Variants in KCNAB1 observed in about 807,000 individuals in gnomAD.
The protein encoded by KCNAB1 is voltage-gated potassium channel subunit beta-1.
A neutral mutation model predicts 64.6 loss-of-function variants in KCNAB1; 35 were observed. The ratio of observed to expected loss-of-function variants is 0.54; its 90% CI spans 0.41 to 0.72. The LOEUF is 0.72. Among genes scored for constraint, KCNAB1 ranks in the 30% least tolerant of loss-of-function variants. The pLI is 0.00. For missense variants in KCNAB1, 401 were observed against 512.9 expected, an observed-to-expected ratio of 0.78 and a Z score of 2.11; for synonymous variants, 177 against 183.8, an observed-to-expected ratio of 0.96 and a Z score of 0.30.
At chr3:156,409,892 TA>T (rs1333892492) in intron 1 of KCNAB1, among the ~76,000 whole-genome samples, 1 of 152,250 alleles carries the variant, frequency 6.6e-6, no homozygotes, top group Non-Finnish European at 1.5e-5. Flanking sequence ...TAGTCATTTA[TA>T]ACAGGGCTCA....
chr3:156,428,379 G>A (rs1221878319), intron 2 of KCNAB1, among the ~76,000 whole-genome samples: 1 of 151,898 alleles, frequency 6.6e-6, no homozygotes, highest in African/African-American at 2.4e-5. Context: ...GCCAGCTTTC[G>A]GAGTAGAACT....
intron 13 of KCNAB1, 27 bp downstream of exon 13, chr3:156,531,524 C>T (rs1400820254): frequency 6.5e-6 from 10 of 1,527,070 alleles, no homozygotes; most frequent in Non-Finnish European, 9.1e-6. Context: ...CTTCCAACAT[C>T]AGGGAATTTA....
chr3:156,433,919 G>A (rs529507735), intron 2 of KCNAB1, among the ~76,000 whole-genome samples: 1 of 152,120 alleles, frequency 6.6e-6, no homozygotes, highest in Non-Finnish European at 1.5e-5. Context: ...TGGATTGAGA[G>A]TTCTAGGAAA....
chr3:156,173,494 A>G (rs73162716), intron 1 of KCNAB1, among the ~76,000 whole-genome samples: 197 of 152,362 alleles, frequency 1.3e-3, no homozygotes, highest in Middle Eastern at 0.01. Context: ...TCCAGTGGTC[A>G]GTAGGAAAGA....
Position 156,195,618 on chromosome 3 carries a change from A to G in KCNAB1, c.275+74732A>G, listed in dbSNP as rs149033413. Among the ~76,000 whole-genome samples the G allele has an allele frequency of 9.0e-3, 1,375 of 152,218 alleles. 33 individuals are homozygous for G. The highest frequency in any genetic ancestry group is 0.031 in the African/African-American group (1,274 of 41,544). On this transcript the variant is annotated intron_variant, in intron 1 of 13. Coordinates refer to ENST00000490337, the MANE Select transcript of KCNAB1 (RefSeq NM_172160.3). ...AAGTGTCTGTTCATATACTTTGCCC[A>G]CTTTTGGATGGGGTTGTTTGATTTT... is the stretch of plus-strand genomic sequence containing the variant.
chr3:156,368,408 G>A (rs1386956600), intron 1 of KCNAB1, among the ~76,000 whole-genome samples: 1 of 152,122 alleles, frequency 6.6e-6, no homozygotes, highest in East Asian at 1.9e-4. Context: ...CTGTTGTTTA[G>A]AGGAAGTTTC....
intron 1 of KCNAB1, among the ~76,000 whole-genome samples, chr3:156,345,597 G>C (rs1724433727): frequency 6.6e-6 from 1 of 152,232 alleles, no homozygotes. Flanking sequence ...TAGCCCATGT[G>C]CTATAGCAGA....
chr3:156,132,673 G>A (rs1228761973), intron 1 of KCNAB1, among the ~76,000 whole-genome samples: 1 of 152,300 alleles, frequency 6.6e-6, no homozygotes, highest in Non-Finnish European at 1.5e-5. Context: ...AATTCAGTCT[G>A]TTATTTCAGA....
chr3:156,201,778 G>C (rs1714345660), intron 1 of KCNAB1, among the ~76,000 whole-genome samples: 1 of 152,212 alleles, frequency 6.6e-6, no homozygotes, highest in Non-Finnish European at 1.5e-5. Context: ...CCGTTGGTGA[G>C]TGCAGGTATG....
chr3:156,487,390 T>C (rs968877787), intron 8 of KCNAB1, among the ~76,000 whole-genome samples: 2 of 152,156 alleles, frequency 1.3e-5, no homozygotes, highest in African/African-American at 4.8e-5. Context: ...GAAAATATTA[T>C]ATGCCACAAA....
At chr3:156,451,439 A>C (rs973051595) in intron 2 of KCNAB1, among the ~76,000 whole-genome samples, 1 of 152,198 alleles carries the variant, frequency 6.6e-6, no homozygotes, top group Non-Finnish European at 1.5e-5. Flanking sequence ...TGTGGTAAAA[A>C]GGATACCCTT....
At chr3:156,538,722 AT>A (rs1280160778), downstream of KCNAB1, 48 of 152,388 alleles carry the variant, frequency 3.1e-4, 1 homozygote, top group African/African-American at 1.1e-3. Flanking sequence ...CTAAATAAAA[AT>A]TATATTGGCA....
chr3:156,378,624 T>C (rs1273880487), intron 1 of KCNAB1, among the ~76,000 whole-genome samples: 1 of 152,220 alleles, frequency 6.6e-6, no homozygotes, highest in African/African-American at 2.4e-5. Flanking sequence ...AATCAGGTCC[T>C]GCTTCCCTGT....
At chr3:156,367,039 G>A (rs575476021) in intron 1 of KCNAB1, among the ~76,000 whole-genome samples, 2 of 152,276 alleles carry the variant, frequency 1.3e-5, no homozygotes, top group South Asian at 4.1e-4. Context: ...TAGTACCTGG[G>A]CAGGTTGATT....
chr3:156,206,972 T>G (rs79860550), intron 1 of KCNAB1, among the ~76,000 whole-genome samples: 130 of 152,376 alleles, frequency 8.5e-4, no homozygotes, highest in Middle Eastern at 3.4e-3. Flanking sequence ...GACGTGACAT[T>G]GTCTGTCCCT....
At chr3:156,473,361 C>G (rs1559903079) in intron 7 of KCNAB1, among the ~76,000 whole-genome samples, 1 of 152,082 alleles carries the variant, frequency 6.6e-6, no homozygotes, top group African/African-American at 2.4e-5. Flanking sequence ...CTTGTGATAC[C>G]CTGTTATTTG....
At chr3:156,527,247 A>G (rs923257921) in intron 12 of KCNAB1, among the ~76,000 whole-genome samples, 2 of 152,198 alleles carry the variant, frequency 1.3e-5, no homozygotes, top group Non-Finnish European at 2.9e-5. Context: ...CAAGTTACTT[A>G]ACCTGGTAAC....
At chr3:156,157,222 C>T (rs1156312932) in intron 1 of KCNAB1, among the ~76,000 whole-genome samples, 2 of 152,132 alleles carry the variant, frequency 1.3e-5, no homozygotes, top group African/African-American at 2.4e-5. Context: ...AAAGCAAAGA[C>T]CCATATATGC....
chr3:156,143,514 C>G lies in KCNAB1; in HGVS notation c.275+22628C>G, dbSNP rs187835571. The G allele has an allele frequency of 1.2e-4, 102 of 851,144 alleles. 1 individual carries two copies. In the East Asian group the frequency reaches 2.8e-3, roughly 23 times the overall value. 52.7% of individuals were successfully genotyped at this position (851,144 alleles called of 1,614,324 possible). ...AAGGACTGAAATAGCAAGACAAAAC[C>G]CTGTAAGAAAAAGAAGGAAAAATGC... On this transcript the variant is annotated intron_variant, in intron 1 of 13. Coordinates refer to ENST00000490337, the MANE Select transcript of KCNAB1 (RefSeq NM_172160.3).
Sources: allele counts gnomAD v4.1 joint callset (sites outside exome capture counted in the v4.1 genomes callset), GRCh38; gene constraint gnomAD v4.1.1; transcripts MANE v1.5; gene names NCBI Gene and HGNC (gene_info 2026-07-23, HGNC 2026-07-21).